The following UNC5D variants were observed in gnomAD, a reference collection of about 807,000 sequenced individuals.
UNC5D encodes unc-5 netrin receptor D.
In UNC5D, 39 loss-of-function variants were observed where a neutral mutation model predicts 105.4. The ratio of observed to expected loss-of-function variants is 0.37; its 90% CI spans 0.29 to 0.48. The LOEUF (loss-of-function observed/expected upper bound fraction) is 0.48. UNC5D is among the 20% of genes least tolerant of loss of function. UNC5D has a pLI of 0.98. For missense variants in UNC5D, 991 were observed against 1,202.4 expected (o/e 0.82, Z 2.60); for synonymous variants, 452 against 450.4 (o/e 1.00, Z -0.04).
chr8:35,273,194 T>A (rs1036101062), intron 1 of UNC5D, among the ~76,000 whole-genome samples: 2 of 152,188 alleles, frequency 1.3e-5, no homozygotes, highest in South Asian at 2.1e-4. Context: ...AATAATCTTT[T>A]CAGATACAAG....
chr8:35,620,282 T>C (rs1821281844), intron 4 of UNC5D, among the ~76,000 whole-genome samples: 1 of 152,194 alleles, frequency 6.6e-6, no homozygotes, highest in Non-Finnish European at 1.5e-5. Context: ...CTCCGGCTTC[T>C]CGGGCTGTAC....
chr8:35,399,742 C>A (rs569894293), intron 1 of UNC5D, among the ~76,000 whole-genome samples: 1 of 152,156 alleles, frequency 6.6e-6, no homozygotes, highest in Admixed American at 6.5e-5. Flanking sequence ...ATTGTGAAAA[C>A]TGGTGTGGAT....
chr8:35,324,375 T>TA (rs1809990452), intron 1 of UNC5D, among the ~76,000 whole-genome samples: 1 of 151,876 alleles, frequency 6.6e-6, no homozygotes, highest in Admixed American at 6.6e-5. Context: ...GGAGAAGTAA[T>TA]AAAAATCCTT....
intron 1 of UNC5D, among the ~76,000 whole-genome samples, chr8:35,365,330 G>T (rs995898224): frequency 6.6e-6 from 1 of 151,842 alleles, no homozygotes; most frequent in African/African-American, 2.4e-5. Context: ...GAGAGACGTT[G>T]GGTTAACTTT....
intron 1 of UNC5D, among the ~76,000 whole-genome samples, chr8:35,392,042 A>G (rs1803810805): frequency 6.6e-6 from 1 of 152,160 alleles, no homozygotes; most frequent in Non-Finnish European, 1.5e-5. Context: ...AATAACACAG[A>G]TTTCTTTTAG....
At chr8:35,495,468 A>C (rs1383869469) in intron 1 of UNC5D, among the ~76,000 whole-genome samples, 4 of 150,710 alleles carry the variant, frequency 2.7e-5, no homozygotes, top group South Asian at 2.1e-4. Flanking sequence ...CAAAAAAAAA[A>C]AAAAAAAAAA....
intron 4 of UNC5D, among the ~76,000 whole-genome samples, chr8:35,603,860 T>C (rs1820072380): frequency 6.6e-6 from 1 of 152,150 alleles, no homozygotes; most frequent in African/African-American, 2.4e-5. Context: ...AGACTAGGAT[T>C]GCAACCCCTG....
chr8:35,680,480 T>C (rs1825584665), intron 4 of UNC5D, among the ~76,000 whole-genome samples: 1 of 152,224 alleles, frequency 6.6e-6, no homozygotes, highest in South Asian at 2.1e-4. Context: ...AATGGGTTTT[T>C]ATCATCAACT....
chr8:35,790,705 AAATTTTATATAGG>A lies in UNC5D; in HGVS notation c.*143_*155del. On this transcript the variant is annotated 3_prime_UTR_variant, in exon 17 of 17. Coordinates refer to ENST00000404895, the MANE Select transcript of UNC5D (RefSeq NM_080872.4). ...GTGAGATTCCCCTGTTGAAGAAACT[AAATTTTATATAGG>A]TAAAACATGTTAATAGGGAAGAGTA... 1 of 832,120 alleles carries A rather than the reference AAATTTTATATAGG, an allele frequency of 1.2e-6. No individual in the cohort carries two copies. The highest frequency in any genetic ancestry group is 1.7e-5 in the South Asian group (1 of 59,832). The allele number at this position is 832,120 out of a possible 1,614,324, so 51.5% of individuals were successfully genotyped here.
intron 1 of UNC5D, among the ~76,000 whole-genome samples, chr8:35,505,232 A>G (rs1237949830): frequency 6.6e-6 from 1 of 152,262 alleles, no homozygotes; most frequent in Non-Finnish European, 1.5e-5. Context: ...AATTTTGTAC[A>G]TTTTTATAAT....
intron 9 of UNC5D, among the ~76,000 whole-genome samples, chr8:35,723,147 A>C (rs1187672911): frequency 6.6e-6 from 1 of 152,178 alleles, no homozygotes; most frequent in Non-Finnish European, 1.5e-5. Context: ...CTCATCGTCA[A>C]TATCGTCACC....
At chr8:35,682,496 A>G (rs1373150028) in intron 4 of UNC5D, among the ~76,000 whole-genome samples, 1 of 152,212 alleles carries the variant, frequency 6.6e-6, no homozygotes, top group Admixed American at 6.5e-5. Flanking sequence ...TGTTTTACCT[A>G]TGCTGATAAC....
intron 4 of UNC5D, among the ~76,000 whole-genome samples, chr8:35,659,122 T>C (rs1823962410): frequency 6.6e-6 from 1 of 152,216 alleles, no homozygotes; most frequent in Non-Finnish European, 1.5e-5. Context: ...TACTTTGTTA[T>C]AGTTTTTTTC....
intron 1 of UNC5D, among the ~76,000 whole-genome samples, chr8:35,270,364 A>T (rs968450026): frequency 6.6e-6 from 1 of 152,172 alleles, no homozygotes; most frequent in Non-Finnish European, 1.5e-5. Context: ...ACACTCATGT[A>T]GCTGATTTAA....
intron 4 of UNC5D, among the ~76,000 whole-genome samples, chr8:35,674,139 C>A (rs1284785559): frequency 6.6e-6 from 1 of 152,202 alleles, no homozygotes; most frequent in African/African-American, 2.4e-5. Context: ...AATACCCTTA[C>A]TCTAACAATG....
At chr8:35,253,422 G>T (rs562367848) in intron 1 of UNC5D, among the ~76,000 whole-genome samples, 2 of 148,902 alleles carry the variant, frequency 1.3e-5, no homozygotes, top group Non-Finnish European at 3.0e-5. Context: ...AATCCACCTG[G>T]AGTAGATTTT....
chr8:35,536,928 G>A (rs1329631978), intron 1 of UNC5D, among the ~76,000 whole-genome samples: 7 of 152,126 alleles, frequency 4.6e-5, no homozygotes, highest in Non-Finnish European at 7.3e-5. Context: ...CAGGGGAGGC[G>A]AAGGTTGCAA....
chr8:35,767,229 C>T (rs773088283), intron 15 of UNC5D, among the ~76,000 whole-genome samples, 163 bp downstream of exon 15: 6 of 152,268 alleles, frequency 3.9e-5, no homozygotes, highest in East Asian at 1.9e-4. Context: ...TGTCGCATGC[C>T]GAGGATTGAA....
At position 35,422,557 on chromosome 8, in the gene UNC5D, A is replaced by T. The variant is rs1328410266; in HGVS notation, c.104-126735A>T. On this transcript the variant is annotated intron_variant, in intron 1 of 16. Coordinates refer to ENST00000404895, the MANE Select transcript of UNC5D (RefSeq NM_080872.4). Reference sequence around the variant, plus strand: ...AATGACAAAAGATGTCTTGCAATTGATGCTAAAATTCCATTTCTCTACAAA... The same window carrying T: ...AATGACAAAAGATGTCTTGCAATTGTTGCTAAAATTCCATTTCTCTACAAA... 2.6e-5 allele frequency among the ~76,000 whole-genome samples: 4 copies of T among 152,240 alleles called. No homozygotes were observed. In the East Asian group the frequency reaches 5.8e-4, roughly 22 times the overall value.
Sources: allele counts gnomAD v4.1 joint callset (sites outside exome capture counted in the v4.1 genomes callset), GRCh38; gene constraint gnomAD v4.1.1; transcripts MANE v1.5; gene names NCBI Gene and HGNC (gene_info 2026-07-23, HGNC 2026-07-21).